ZNF782: variants seen among roughly 807,000 people sequenced by gnomAD.
ZNF782 encodes the protein zinc finger protein 782.
ZNF782 carries 12 observed loss-of-function variants against 13.0 expected under a neutral mutation model. The ratio of observed to expected loss-of-function variants is 0.92; its 90% confidence interval spans 0.59 to 1.50. The LOEUF is 1.50. Ranked by LOEUF, ZNF782 falls within the 40% of genes most tolerant of loss-of-function variation. The pLI is 0.00. For missense variants in ZNF782, 770 were observed against 822.9 expected, an observed-to-expected ratio of 0.94 and a Z score of 0.79; for synonymous variants, 284 against 283.0, an observed-to-expected ratio of 1.00 and a Z score of -0.04.
At chr9:96,879,924 T>C (rs150140246), upstream of ZNF782, among the ~76,000 whole-genome samples, 610 of 152,312 alleles carry the variant, frequency 4.0e-3, 13 homozygotes, top group East Asian at 3.9e-3. Context: ...AAACATGCAA[T>C]CTGTAAATAA....
chr9:96,849,003 A>G (rs1049480924), intron 3 of ZNF782, among the ~76,000 whole-genome samples: 3 of 152,168 alleles, frequency 2.0e-5, no homozygotes, highest in African/African-American at 7.2e-5. Flanking sequence ...AGAATAGAGA[A>G]CCCAGAAATA....
rs189154642 is a variant in ZNF782, at chr9:96,873,679, C to G, written c.-457+1789G>C. On this transcript the variant is annotated intron_variant, in intron 1 of 5. Transcript: ENST00000498811. ...CATGCCTGCGCTCCACCCTGGGTGACAGAGCGAGACCTTGTCTCACACACA... is the reference window on the plus strand; with the variant it reads ...CATGCCTGCGCTCCACCCTGGGTGAGAGAGCGAGACCTTGTCTCACACACA... 9.2e-5 allele frequency among the ~76,000 whole-genome samples: 14 copies of G among 152,324 alleles called. No homozygotes were observed. The East Asian group carries it at 2.3e-3, about 25-fold the overall frequency.
chr9:96,819,599 C>T lies in ZNF782; in HGVS notation c.424G>A (p.Gly142Arg), dbSNP rs752347872. 2 of 1,613,936 alleles carry T rather than the reference C, an allele frequency of 1.2e-6. No individual in the cohort carries two copies. Among genetic ancestry groups the T allele is most frequent in the Non-Finnish European group, 1.7e-6 (2 of 1,179,998 alleles). The change falls in exon 6 of 6, where the codon GGG becomes AGG. Residue 142 changes from glycine (G) to arginine (R), a missense_variant. Coordinates refer to ENST00000481138, the MANE Select transcript of ZNF782 (RefSeq NM_001001662.3). ...AGGCTGAGCCCCTGGCAAGCAGACC[C>T]CGCAATGTCACATTTACAAGGCATC... Reference protein sequence around the residue: ...RMMPCKCDIAGSACQGLSLMA... With the variant: ...RMMPCKCDIARSACQGLSLMA...
intron 1 of ZNF782, among the ~76,000 whole-genome samples, chr9:96,873,686 A>G (rs1193475262): frequency 6.6e-6 from 1 of 152,236 alleles, no homozygotes; most frequent in Non-Finnish European, 1.5e-5. Context: ...TGACAGAGCG[A>G]GACCTTGTCT....
the ZNF782 span, chr9:96,929,167 G>A: frequency 1.3e-6 from 2 of 1,496,878 alleles, no homozygotes; most frequent in African/African-American, 1.4e-5. Context: ...TGTCCCCAAG[G>A]ACATCACACC....
At chr9:96,919,989 T>C in the ZNF782 span, among the ~76,000 whole-genome samples, 1 of 151,544 alleles carries the variant, frequency 6.6e-6, no homozygotes, top group African/African-American at 2.4e-5. Context: ...AATAGATTGC[T>C]GAAAGTGAAT....
chr9:96,879,285 G>A (rs1225401146), upstream of ZNF782, among the ~76,000 whole-genome samples: 1 of 152,100 alleles, frequency 6.6e-6, no homozygotes, highest in Non-Finnish European at 1.5e-5. Context: ...TCAAGAGATC[G>A]AGACCATCCT....
intron 5 of ZNF782, among the ~76,000 whole-genome samples, chr9:96,826,120 T>G (rs1392876264): frequency 8.3e-6 from 1 of 120,312 alleles, no homozygotes; most frequent in Admixed American, 8.6e-5. Flanking sequence ...TGTGGCATTA[T>G]TCACAATAGC....
chr9:96,932,978 CTT>C, the ZNF782 span, among the ~76,000 whole-genome samples: 11 of 129,396 alleles, frequency 8.5e-5, no homozygotes, highest in Admixed American at 7.7e-5. Context: ...CTTTTCTTTT[CTT>C]TTTTTTTTTT....
At chr9:96,913,721 C>T in the ZNF782 span, among the ~76,000 whole-genome samples, 1 of 151,860 alleles carries the variant, frequency 6.6e-6, no homozygotes, top group South Asian at 2.1e-4. Context: ...GACAGAGTTT[C>T]ACCATTTTGA....
At chr9:96,821,956 G>A (rs1343254037) in intron 5 of ZNF782, among the ~76,000 whole-genome samples, 2 of 152,104 alleles carry the variant, frequency 1.3e-5, no homozygotes, top group Non-Finnish European at 2.9e-5. Context: ...AAGCCACCGC[G>A]CCTGGCCAAT....
the ZNF782 span, among the ~76,000 whole-genome samples, chr9:96,916,109 C>G: frequency 6.6e-6 from 1 of 151,992 alleles, no homozygotes; most frequent in African/African-American, 2.4e-5. Flanking sequence ...GCACTTAAAG[C>G]TTCGTCTCTT....
At chr9:96,888,532 T>C in the ZNF782 span, 1 of 152,200 alleles carries the variant, frequency 6.6e-6, no homozygotes, top group African/African-American at 2.4e-5. Context: ...ATGGAGTGAA[T>C]AATATAAAAA....
intron 4 of ZNF782, among the ~76,000 whole-genome samples, chr9:96,844,055 A>T (rs79093506): frequency 6.6e-6 from 1 of 152,222 alleles, no homozygotes; most frequent in African/African-American, 2.4e-5. Context: ...ATGCAAATTA[A>T]AACCCAACTA....
upstream of ZNF782, among the ~76,000 whole-genome samples, chr9:96,878,817 C>T (rs562312319): frequency 1.3e-5 from 2 of 152,262 alleles, no homozygotes; most frequent in African/African-American, 4.8e-5. Context: ...TAGAATTGTG[C>T]AGTTAAAATG....
rs560593033 is a variant in ZNF782 at position 96,818,331 on chromosome 9, A to C, written c.1692T>G (p.Cys564Trp). 1.2e-6 allele frequency: 2 copies of C among 1,614,122 alleles called. No individual in the cohort carries two copies. The highest frequency in any genetic ancestry group is 2.2e-5 in the South Asian group (2 of 91,076). The change falls in exon 6 of 6, where the codon TGT becomes TGG. Residue 564 changes from cysteine to tryptophan, a missense_variant. Coordinates refer to ENST00000481138, the MANE Select transcript of ZNF782 (RefSeq NM_001001662.3). The part of the protein sequence containing the change: ...RIHTGEKPYK[C>W]NHCGEAFSQK... ...GACTGAAAGCTTCCCCACAATGATTACATTTATAGGGTTTTTCCCCTGTGT... is the reference window on the plus strand; with the variant it reads ...GACTGAAAGCTTCCCCACAATGATTCCATTTATAGGGTTTTTCCCCTGTGT...
In ZNF782 at chr9:96,834,143, CTTGAA is replaced by C. The variant is rs568033811; in HGVS notation, c.143-6967_143-6963del. 5.1e-3 allele frequency among the ~76,000 whole-genome samples: 776 copies of C among 152,336 alleles called. 9 individuals carry two copies. Among genetic ancestry groups the C allele is most frequent in the African/African-American group, 0.018 (757 of 41,582 alleles). ...GGCTGTGTCCCCACCCAAATCTCAT[CTTGAA>C]TTGTAGTTCCCATAATCCCCACGTC... On this transcript the variant is annotated intron_variant, in intron 4 of 5. Coordinates refer to ENST00000481138, the MANE Select transcript of ZNF782 (RefSeq NM_001001662.3).
the ZNF782 span, chr9:96,892,084 T>C: frequency 2.0e-5 from 3 of 152,348 alleles, no homozygotes; most frequent in East Asian, 5.8e-4. Context: ...AGGGGGGCTA[T>C]AGGGAACAAG....
the ZNF782 span, chr9:96,893,992 T>G: frequency 5.0e-5 from 5 of 100,282 alleles, no homozygotes; most frequent in South Asian, 1.5e-3. Flanking sequence ...AGAGCGAGAC[T>G]CCGTCTCAAA....
Sources: gnomAD v4.1 joint callset for allele counts (sites outside exome capture counted in the v4.1 genomes callset) on GRCh38, gnomAD v4.1.1 for gene constraint, MANE v1.5 for transcripts, NCBI Gene and HGNC (gene_info 2026-07-23, HGNC 2026-07-21) for gene names.